The following SH3D19 variants were observed in gnomAD, a reference collection of about 807,000 sequenced individuals.
SH3D19 encodes SH3 domain containing 19.
Under a neutral mutation model 112.1 loss-of-function variants are expected in SH3D19, and 58 were observed. That is an observed-to-expected ratio of 0.52 (90% CI 0.42 to 0.64). The LOEUF is 0.64. Ranked by LOEUF, SH3D19 falls within the 30% of genes least tolerant of loss-of-function variation. The pLI, the probability that SH3D19 is intolerant of heterozygous loss-of-function variation, is 0.00. For missense variants in SH3D19, 1,090 were observed against 1,263.4 expected (o/e 0.86, Z 2.08); for synonymous variants, 391 against 448.5 (o/e 0.87, Z 1.62).
intron 1 of SH3D19, among the ~76,000 whole-genome samples, chr4:151,273,612 AAAG>A (rs1183750224): frequency 1.5e-4 from 23 of 150,426 alleles, no homozygotes; most frequent in Admixed American, 6.0e-4. Context: ...AAAAAAAAAA[AAAG>A]AAGTCCAAAG....
intron 17 of SH3D19, among the ~76,000 whole-genome samples, chr4:151,130,380 G>A (rs1183794220): frequency 6.6e-6 from 1 of 152,066 alleles, no homozygotes; most frequent in Non-Finnish European, 1.5e-5. Flanking sequence ...AGGTTGCAGT[G>A]AGCTGAGACC....
chr4:151,248,253 C>T (rs112225414), intron 1 of SH3D19, among the ~76,000 whole-genome samples: 3 of 152,062 alleles, frequency 2.0e-5, no homozygotes, highest in Admixed American at 6.6e-5. Flanking sequence ...TGTAAGTCAC[C>T]GTGCCCAGCT....
intron 1 of SH3D19, among the ~76,000 whole-genome samples, chr4:151,270,984 C>T (rs1773187132): frequency 6.6e-6 from 1 of 152,066 alleles, no homozygotes; most frequent in South Asian, 2.1e-4. Context: ...AGTGTAGTGT[C>T]CCAATCATAG....
At chr4:151,286,982 A>AAATAAAAATAATAAT (rs1554067295) in intron 1 of SH3D19, among the ~76,000 whole-genome samples, 1 of 141,834 alleles carries the variant, frequency 7.1e-6, no homozygotes, top group African/African-American at 2.6e-5. Flanking sequence ...TCTGTCTCAA[A>AAATAAAAATAATAAT]AATAATAATA....
At chr4:151,134,954 C>G (rs1449623379) in intron 15 of SH3D19, 120 bp downstream of exon 15, 1 of 744,426 alleles carries the variant, frequency 1.3e-6, no homozygotes, top group Non-Finnish European at 2.2e-6. Flanking sequence ...TCCCAAAGTA[C>G]TGGGATACAG....
intron 1 of SH3D19, among the ~76,000 whole-genome samples, chr4:151,267,399 T>C (rs898394776): frequency 2.0e-5 from 3 of 152,130 alleles, no homozygotes; most frequent in African/African-American, 7.2e-5. Flanking sequence ...TGGAAAGCTA[T>C]AAGGTTTTTC....
At chr4:151,131,705 G>A (rs1750751464) in intron 17 of SH3D19, among the ~76,000 whole-genome samples, 1 of 152,004 alleles carries the variant, frequency 6.6e-6, no homozygotes, top group Non-Finnish European at 1.5e-5. Flanking sequence ...AGCCAGGGTG[G>A]TCTCGATCCC....
chr4:151,283,218 C>A, intron 1 of SH3D19: 2 of 1,613,858 alleles, frequency 1.2e-6, no homozygotes, highest in South Asian at 1.1e-5. Flanking sequence ...CTTGCCAGCA[C>A]TGGAGCCAGT....
intron 11 of SH3D19, among the ~76,000 whole-genome samples, chr4:151,145,997 AC>A (rs1753854095): frequency 6.6e-6 from 1 of 152,306 alleles, no homozygotes; most frequent in African/African-American, 2.4e-5. Context: ...TACATCAACT[AC>A]TGTTATTTAT....
At chr4:151,183,049 T>C (rs1174700032) in intron 3 of SH3D19, among the ~76,000 whole-genome samples, 1 of 150,912 alleles carries the variant, frequency 6.6e-6, no homozygotes, top group Non-Finnish European at 1.5e-5. Flanking sequence ...TGGAGTGCAG[T>C]GGCACGACCT....
At chr4:151,315,156 T>C (rs1729868632) in intron 1 of SH3D19, among the ~76,000 whole-genome samples, 1 of 152,144 alleles carries the variant, frequency 6.6e-6, no homozygotes, top group Admixed American at 6.5e-5. Flanking sequence ...CTGTGTGACC[T>C]TGAGGAGATT....
chr4:151,165,605 T>G lies in SH3D19; in HGVS notation c.1626A>C (p.Pro542=). The G allele has an allele frequency of 6.2e-7, 1 of 1,613,946 alleles. No individual in the cohort carries two copies. The highest frequency in any genetic ancestry group is 8.5e-7 in the Non-Finnish European group (1 of 1,179,870). The change falls in exon 8 of 20, where the codon CCA becomes CCC. Residue 542 remains proline, a synonymous_variant. Coordinates refer to ENST00000604030, the MANE Select transcript of SH3D19 (RefSeq NM_001378122.1). Reference sequence around the variant, plus strand: ...AGTGCTTACATTTTCCTGGTTTGGCTGGAATTCGAATTACAGTGGGCTTCC... The same window carrying G: ...AGTGCTTACATTTTCCTGGTTTGGCGGGAATTCGAATTACAGTGGGCTTCC... ...PTRKPTVIRI[P]AKPGKCLHED... is the part of the protein sequence containing the mutation.
Position 151,175,244 on chromosome 4 carries a change from A to G in SH3D19, c.960T>C (p.Arg320=), listed in dbSNP as rs1394678070. Residue 320 remains arginine, a synonymous_variant, in exon 7 of 20, where the codon CGT becomes CGC. Transcript: ENST00000604030. ...AAACAGTAGGCTTTGGAGGAAGTGA[A>G]CGTGGAGTAATTTCTGGTTTCTTGG... is the stretch of plus-strand genomic sequence containing the variant. ...GLPKKPEITP[R]SLPPKPTVSS... The G allele has an allele frequency of 6.2e-7, 1 of 1,614,208 alleles. No individual in the cohort carries two copies. Among genetic ancestry groups the G allele is most frequent in the Non-Finnish European group, 8.5e-7 (1 of 1,180,030 alleles).
intron 6 of SH3D19, 56 bp from the exon 7 acceptor site, chr4:151,175,730 T>C: frequency 1.6e-6 from 2 of 1,231,314 alleles, no homozygotes; most frequent in Admixed American, 4.1e-5. Flanking sequence ...ACGTTAACAA[T>C]GTATAAGGAA....
intron 1 of SH3D19, among the ~76,000 whole-genome samples, chr4:151,284,663 C>A (rs1289041019): frequency 6.6e-6 from 1 of 152,110 alleles, no homozygotes; most frequent in African/African-American, 2.4e-5. Context: ...ACTTTAATAT[C>A]TAATCATTTT....
intron 1 of SH3D19, among the ~76,000 whole-genome samples, chr4:151,277,438 G>A (rs1251875680): frequency 2.0e-5 from 3 of 152,086 alleles, no homozygotes; most frequent in South Asian, 2.1e-4. Context: ...CCCTATCTTC[G>A]TGGGACTTAT....
chr4:151,305,531 T>G (rs1342738640), intron 1 of SH3D19, among the ~76,000 whole-genome samples: 1 of 152,218 alleles, frequency 6.6e-6, no homozygotes, highest in African/African-American at 2.4e-5. Flanking sequence ...AGATGACATA[T>G]GGATAGCAAT....
At chr4:151,122,834 C>T (rs1363387257) in intron 19 of SH3D19, among the ~76,000 whole-genome samples, 2 of 150,654 alleles carry the variant, frequency 1.3e-5, no homozygotes, top group Non-Finnish European at 3.0e-5. Context: ...CTATGTTATC[C>T]TCATTTTAGA....
intron 12 of SH3D19, among the ~76,000 whole-genome samples, chr4:151,143,246 AT>A (rs1364249966): frequency 6.6e-6 from 1 of 151,746 alleles, no homozygotes; most frequent in Non-Finnish European, 1.5e-5. Context: ...AAAAAAAAAA[AT>A]TCTAATTTTT....
Sources: gnomAD v4.1 joint callset for allele counts (sites outside exome capture counted in the v4.1 genomes callset) on GRCh38, gnomAD v4.1.1 for gene constraint, MANE v1.5 for transcripts, NCBI Gene and HGNC (gene_info 2026-07-23, HGNC 2026-07-21) for gene names.